Variants in IL1RAPL1 observed in about 807,000 individuals in gnomAD.
IL1RAPL1 encodes the protein interleukin 1 receptor accessory protein like 1, also known as interleukin-1 receptor accessory protein-like 1.
A neutral mutation model predicts 48.4 loss-of-function variants in IL1RAPL1; 3 were observed. The ratio of observed to expected loss-of-function variants is 0.06; its 90% CI spans 0.03 to 0.16. IL1RAPL1 has a LOEUF of 0.16. IL1RAPL1 is among the 10% of genes least tolerant of loss of function. The pLI is 1.00. For missense variants in IL1RAPL1, 349 were observed against 530.6 expected (o/e 0.66, Z 3.36); for synonymous variants, 185 against 187.7 (o/e 0.99, Z 0.12).
At chrX:29,304,327 C>A (rs1410640979) in intron 3 of IL1RAPL1, among the ~76,000 whole-genome samples, 1 of 111,062 alleles carries the variant, frequency 9.0e-6, no homozygotes, top group Non-Finnish European at 1.9e-5. Flanking sequence ...ACCAACACTG[C>A]CCCTTTATTA....
intron 5 of IL1RAPL1, among the ~76,000 whole-genome samples, chrX:29,461,243 C>T (rs764181874): frequency 8.9e-4 from 99 of 111,447 alleles, no homozygotes; most frequent in Middle Eastern, 4.7e-3. Flanking sequence ...CACATTGCAC[C>T]CACTAGAATG....
chrX:28,707,812 C>T (rs903674185), intron 1 of IL1RAPL1, among the ~76,000 whole-genome samples: 1 of 112,068 alleles, frequency 8.9e-6, no homozygotes, highest in Non-Finnish European at 1.9e-5. Context: ...TCCTCCTCTC[C>T]ATTGACTCAG....
intron 2 of IL1RAPL1, among the ~76,000 whole-genome samples, chrX:28,904,388 G>A (rs993971338): frequency 2.7e-5 from 3 of 111,649 alleles, no homozygotes; most frequent in East Asian, 5.6e-4. Context: ...ACTATTCATC[G>A]TAAGCATATT....
chrX:29,944,284 C>T (rs150026702), intron 9 of IL1RAPL1, among the ~76,000 whole-genome samples: 1,162 of 111,480 alleles, frequency 0.01, 12 homozygotes, highest in Non-Finnish European at 0.018. Flanking sequence ...ACCGCAATCA[C>T]ATGTTCAGCC....
At chrX:29,848,147 T>G (rs990252553) in intron 6 of IL1RAPL1, among the ~76,000 whole-genome samples, 4 of 111,482 alleles carry the variant, frequency 3.6e-5, no homozygotes, top group African/African-American at 1.3e-4. Flanking sequence ...CAGTTTCTTT[T>G]GTAGGAGAGT....
At chrX:29,933,789 A>G in intron 8 of IL1RAPL1, among the ~76,000 whole-genome samples, 1 of 111,202 alleles carries the variant, frequency 9.0e-6, no homozygotes, top group Admixed American at 9.6e-5. Flanking sequence ...ATAGTGATGA[A>G]TACTATAAAA....
chrX:29,752,087 T>TATATATATATATATACACAC, intron 6 of IL1RAPL1, among the ~76,000 whole-genome samples: 1 of 99,684 alleles, frequency 1.0e-5, no homozygotes, highest in Admixed American at 1.1e-4. Context: ...TATGTATATA[T>TATATATATATATATACACAC]ATATATATAT....
intron 3 of IL1RAPL1, among the ~76,000 whole-genome samples, chrX:29,378,061 T>C (rs1465233077): frequency 3.7e-5 from 4 of 109,475 alleles, no homozygotes; most frequent in African/African-American, 1.3e-4. Context: ...TTTTTTTTCA[T>C]TTTAAAAATT....
At chrX:29,265,972 G>C (rs1320043179) in intron 2 of IL1RAPL1, among the ~76,000 whole-genome samples, 1 of 110,751 alleles carries the variant, frequency 9.0e-6, no homozygotes, top group Admixed American at 9.6e-5. Context: ...AACAACAGGT[G>C]CTGGAGAGGA....
intron 2 of IL1RAPL1, among the ~76,000 whole-genome samples, chrX:29,018,883 T>G (rs1415737993): frequency 8.9e-6 from 1 of 111,973 alleles, no homozygotes; most frequent in Non-Finnish European, 1.9e-5. Context: ...GGAGAATGAC[T>G]GCTAATGGGT....
intron 5 of IL1RAPL1, among the ~76,000 whole-genome samples, chrX:29,587,737 T>G (rs1299696904): frequency 8.9e-6 from 1 of 112,119 alleles, no homozygotes; most frequent in Admixed American, 9.5e-5. Context: ...CTGGGGAAAC[T>G]GTTAGCAAAG....
At chrX:29,484,887 T>C (rs1325642400) in intron 5 of IL1RAPL1, among the ~76,000 whole-genome samples, 1 of 111,634 alleles carries the variant, frequency 9.0e-6, no homozygotes, top group Non-Finnish European at 1.9e-5. Context: ...AGGAACAACA[T>C]TAAGTAGGAT....
intron 6 of IL1RAPL1, among the ~76,000 whole-genome samples, chrX:29,883,922 C>G (rs1449532605): frequency 8.9e-6 from 1 of 112,035 alleles, no homozygotes. Context: ...TACTCTGCAA[C>G]TATGATGAGA....
At chrX:29,880,766 C>T (rs1932010788) in intron 6 of IL1RAPL1, among the ~76,000 whole-genome samples, 2 of 111,256 alleles carry the variant, frequency 1.8e-5, no homozygotes, top group Non-Finnish European at 3.8e-5. Context: ...AATAAAAGAG[C>T]ACCACATGTC....
At chrX:29,797,947 T>C (rs1199924657) in intron 6 of IL1RAPL1, among the ~76,000 whole-genome samples, 2 of 111,937 alleles carry the variant, frequency 1.8e-5, no homozygotes, top group East Asian at 2.8e-4. Flanking sequence ...CCCAAGCCAG[T>C]GGTTCTCAAA....
chrX:29,603,174 G>A (rs1923779376), intron 5 of IL1RAPL1, among the ~76,000 whole-genome samples: 1 of 108,445 alleles, frequency 9.2e-6, no homozygotes, highest in Non-Finnish European at 1.9e-5. Flanking sequence ...TCTGAGGCAG[G>A]AGAATCACTT....
intron 1 of IL1RAPL1, chrX:28,659,598 CGCG>C: frequency 5.0e-6 from 2 of 403,699 alleles, no homozygotes; most frequent in Non-Finnish European, 4.4e-6. Flanking sequence ...GTGGCGGTGG[CGCG>C]GCGGCGGCTG....
At chrX:29,206,308 T>C (rs1930664572) in intron 2 of IL1RAPL1, among the ~76,000 whole-genome samples, 1 of 112,010 alleles carries the variant, frequency 8.9e-6, no homozygotes, top group South Asian at 3.6e-4. Flanking sequence ...AGTTAAATGT[T>C]AATTCTGTTT....
Position 29,094,152 on chromosome X carries a change from C to T in IL1RAPL1, c.83-188786C>T, listed in dbSNP as rs868419141. Among the ~76,000 whole-genome samples, 39 of 111,851 alleles carry T rather than the reference C, an allele frequency of 3.5e-4. No individual in the cohort carries two copies. In the Middle Eastern group the frequency reaches 0.014, roughly 39 times the overall value. On this transcript the variant is annotated intron_variant, in intron 2 of 10. Transcript: ENST00000378993. The stretch of plus-strand genomic sequence containing the variant: ...TACCCCTAAAAAATTATTTCTTGTA[C>T]CATGAGTGTGCATGCCCCCCTTTGG...
Sources: gnomAD v4.1 joint callset for allele counts (sites outside exome capture counted in the v4.1 genomes callset) on GRCh38, gnomAD v4.1.1 for gene constraint, MANE v1.5 for transcripts, NCBI Gene and HGNC (gene_info 2026-07-23, HGNC 2026-07-21) for gene names.